CADPS: variants seen among roughly 807,000 people sequenced by gnomAD.
CADPS encodes the protein calcium-dependent secretion activator 1.
Under a neutral mutation model 167.3 loss-of-function variants are expected in CADPS, and 57 were observed. The observed-to-expected ratio is 0.34, with a 90% CI of 0.28 to 0.42. CADPS has a LOEUF of 0.42. Among genes scored for constraint, CADPS ranks in the 20% least tolerant of loss-of-function variants. The probability of loss-of-function intolerance (pLI) is 1.00; values close to 1 mark genes in which losing one functional copy is unlikely to be tolerated. For synonymous variants in CADPS, 676 were observed against 635.3 expected, an observed-to-expected ratio of 1.06 and a Z score of -0.96; for missense variants, 1,414 against 1,738.1, an observed-to-expected ratio of 0.81 and a Z score of 3.32.
At chr3:62,712,436 G>A (rs1008566411) in intron 3 of CADPS, among the ~76,000 whole-genome samples, 1 of 151,994 alleles carries the variant, frequency 6.6e-6, no homozygotes, top group Non-Finnish European at 1.5e-5. Flanking sequence ...TCATTTCTTT[G>A]TGTACTCACA....
chr3:62,499,173 G>C lies in CADPS; in HGVS notation c.2695C>G (p.His899Asp). Residue 899 changes from histidine to aspartate, a missense_variant, in exon 18 of 30, where the codon CAC (histidine) becomes GAC (aspartate). Around this residue, in one of 6 missense-constraint regions of CADPS, gnomAD observed 529 missense variants for 629.6 expected, o/e 0.84. Transcript: ENST00000383710. The stretch of plus-strand genomic sequence containing the variant: ...CCAAGCCTGCTCACCTCTGCGTGGT[G>C]CTCCTCATTTTGCTGAAGAACTTCA... Reference protein sequence around the residue: ...VIEVLQQNEEHHAEPHVDKGE... With the variant: ...VIEVLQQNEEDHAEPHVDKGE... 1 of 1,609,702 alleles carries C rather than the reference G, an allele frequency of 6.2e-7. No individual in the cohort carries two copies. Among genetic ancestry groups the C allele is most frequent in the East Asian group, 2.2e-5 (1 of 44,828 alleles).
chr3:62,676,209 G>A (rs1468648680), intron 3 of CADPS, among the ~76,000 whole-genome samples: 1 of 152,132 alleles, frequency 6.6e-6, no homozygotes, highest in Non-Finnish European at 1.5e-5. Context: ...TAAGGTAAGA[G>A]AGTGGAAAAA....
chr3:62,593,343 A>G (rs11711723), intron 6 of CADPS, among the ~76,000 whole-genome samples: 16,630 of 152,240 alleles, frequency 0.11, 1,003 homozygotes, highest in East Asian at 0.28. Flanking sequence ...GTTTGTGGAT[A>G]TCGGAGTCTC....
intron 1 of CADPS, among the ~76,000 whole-genome samples, chr3:62,862,177 T>C (rs545797492): frequency 1.7e-4 from 26 of 152,098 alleles, no homozygotes; most frequent in African/African-American, 6.3e-4. Flanking sequence ...AATTGTTAAA[T>C]TTAGTCCTCA....
rs566991932 is a variant in CADPS, at chr3:62,791,316, C to G, written c.442-25332G>C. On this transcript the variant is annotated intron_variant, in intron 1 of 29. Coordinates refer to ENST00000383710, the MANE Select transcript of CADPS (RefSeq NM_003716.4). Reference sequence around the variant, plus strand: ...CAATATGACTAGTGTGAATGAAGAACTGAATTTAATTTCAATTAATTGAAA... The same window carrying G: ...CAATATGACTAGTGTGAATGAAGAAGTGAATTTAATTTCAATTAATTGAAA... 3.3e-5 allele frequency among the ~76,000 whole-genome samples: 5 copies of G among 152,254 alleles called. No individual in the cohort carries two copies. In the South Asian group the frequency reaches 1.0e-3, roughly 32 times the overall value.
chr3:62,729,642 TTGAG>T (rs1408191852), intron 3 of CADPS, among the ~76,000 whole-genome samples: 1 of 151,960 alleles, frequency 6.6e-6, no homozygotes, highest in Non-Finnish European at 1.5e-5. Context: ...TATTGGGTTG[TTGAG>T]TGAGAATTAA....
intron 26 of CADPS, among the ~76,000 whole-genome samples, chr3:62,449,571 T>A (rs1025145803): frequency 2.6e-5 from 4 of 152,122 alleles, no homozygotes; most frequent in African/African-American, 7.2e-5. Context: ...AATGATCAGA[T>A]CCTCCCAACC....
chr3:62,615,869 T>C (rs1045354136), intron 6 of CADPS, among the ~76,000 whole-genome samples: 4 of 152,206 alleles, frequency 2.6e-5, no homozygotes, highest in Non-Finnish European at 5.9e-5. Context: ...CTTATAGCTT[T>C]CAGATTTATA....
chr3:62,697,863 G>T (rs762273744), intron 3 of CADPS, among the ~76,000 whole-genome samples: 14 of 151,944 alleles, frequency 9.2e-5, no homozygotes, highest in Non-Finnish European at 1.6e-4. Flanking sequence ...TAGTGATGTC[G>T]AGTATTTTTT....
intron 3 of CADPS, among the ~76,000 whole-genome samples, chr3:62,737,618 G>A (rs1686006812): frequency 6.6e-6 from 1 of 152,182 alleles, no homozygotes; most frequent in South Asian, 2.1e-4. Context: ...AATCCTTGGA[G>A]TAAATCCAAG....
At chr3:62,771,590 A>G (rs534454673) in intron 1 of CADPS, among the ~76,000 whole-genome samples, 1 of 152,312 alleles carries the variant, frequency 6.6e-6, no homozygotes, top group African/African-American at 2.4e-5. Context: ...AGCCGCTTAG[A>G]GAGAGAATCC....
rs2058965542 is a variant in CADPS, at chr3:62,458,516, T to C, written c.3636+6851A>G. Among the ~76,000 whole-genome samples the C allele has an allele frequency of 6.6e-6, 1 of 152,082 alleles. No individual in the cohort carries two copies. The highest frequency in any genetic ancestry group is 2.1e-4 in the South Asian group (1 of 4,820). On this transcript the variant is annotated intron_variant, in intron 26 of 29. Coordinates refer to ENST00000383710, the MANE Select transcript of CADPS (RefSeq NM_003716.4). This position sits in a 1 kb window ranked among gnomAD's most constrained non-coding sequence, Gnocchi z 4.6. ...TTTCTTTTTCTTTTTTGAGACGGAG[T>C]CTGGCTCTATCACCCAGGCTGGAGT...
chr3:62,505,306 A>G lies in CADPS; in HGVS notation c.2600-6038T>C, dbSNP rs904349896. On this transcript the variant is annotated intron_variant, in intron 17 of 29. Coordinates refer to ENST00000383710, the MANE Select transcript of CADPS (RefSeq NM_003716.4). ...TTCCAGCTCTAGGTCAGTCTAAAGT[A>G]TGTGTTAATACAGGCTGTTGGATGG... Among the ~76,000 whole-genome samples, 4 of 152,298 alleles carry G rather than the reference A, an allele frequency of 2.6e-5. 1 individual carries two copies. Among genetic ancestry groups the G allele is most frequent in the Middle Eastern group, 6.8e-3 (2 of 294 alleles).
intron 4 of CADPS, among the ~76,000 whole-genome samples, chr3:62,654,177 G>A (rs2070940715): frequency 6.6e-6 from 1 of 152,146 alleles, no homozygotes; most frequent in African/African-American, 2.4e-5. Context: ...CTTGGCTGCT[G>A]GGTCCCCATC....
intron 8 of CADPS, among the ~76,000 whole-genome samples, chr3:62,572,761 A>T (rs960988368): frequency 1.6e-4 from 24 of 152,246 alleles, no homozygotes; most frequent in Non-Finnish European, 2.8e-4. Context: ...GTCCCTCAGT[A>T]TCTACAGGGA....
intron 28 of CADPS, among the ~76,000 whole-genome samples, chr3:62,415,699 T>C (rs768680857): frequency 5.9e-5 from 9 of 152,114 alleles, no homozygotes; most frequent in Non-Finnish European, 1.0e-4. Flanking sequence ...TGTGAACAAG[T>C]GCCATACAAC....
chr3:62,661,778 C>A (rs775583705), intron 4 of CADPS, among the ~76,000 whole-genome samples: 20 of 151,986 alleles, frequency 1.3e-4, no homozygotes, highest in Non-Finnish European at 2.2e-4. Context: ...ATCAAAGCAC[C>A]AGTAGTAGGG....
rs77474835 is a variant in CADPS at position 62,776,275 on chromosome 3, T to C, written c.442-10291A>G. On this transcript the variant is annotated intron_variant, in intron 1 of 29. Coordinates refer to ENST00000383710, the MANE Select transcript of CADPS (RefSeq NM_003716.4). ...ACAGAACACAGTACAGGGGCTTGCATGCCAAACTGAAGAGTTGGGCTTTAA... is the reference window on the plus strand; with the variant it reads ...ACAGAACACAGTACAGGGGCTTGCACGCCAAACTGAAGAGTTGGGCTTTAA... Among the ~76,000 whole-genome samples, 2,642 of 152,300 alleles carry C rather than the reference T, an allele frequency of 0.017. 184 individuals are homozygous for C. In the East Asian group the frequency reaches 0.21, roughly 12 times the overall value.
At chr3:62,427,471 C>G (rs146681852) in intron 28 of CADPS, among the ~76,000 whole-genome samples, 28 of 152,234 alleles carry the variant, frequency 1.8e-4, no homozygotes, top group African/African-American at 5.8e-4. Flanking sequence ...TCTCTCTACA[C>G]TATTGCTATT....
Sources: gnomAD v4.1 joint callset for allele counts (sites outside exome capture counted in the v4.1 genomes callset) on GRCh38, gnomAD v4.1.1 for gene constraint, gnomAD v4.1.1 regional missense constraint, Gnocchi (gnomAD v3.1) non-coding constraint, MANE v1.5 for transcripts, NCBI Gene and HGNC (gene_info 2026-07-23, HGNC 2026-07-21) for gene names.